RHBDL3: variants seen among roughly 807,000 people sequenced by gnomAD.
RHBDL3 encodes the protein rhomboid-related protein 3.
Under a neutral mutation model 48.2 loss-of-function variants are expected in RHBDL3, and 28 were observed. That is an observed-to-expected ratio of 0.58 (90% CI 0.43 to 0.80). The LOEUF (loss-of-function observed/expected upper bound fraction) is 0.80, where lower values mean the gene tolerates loss of function less well. RHBDL3 is among the 30% of genes least tolerant of loss of function. The pLI, the probability that RHBDL3 is intolerant of heterozygous loss-of-function variation, is 0.00. For missense variants in RHBDL3, 464 were observed against 542.7 expected, an observed-to-expected ratio of 0.85 and a Z score of 1.44; for synonymous variants, 208 against 232.3, an observed-to-expected ratio of 0.90 and a Z score of 0.95.
chr17:32,304,026 T>C (rs1223421067), intron 6 of RHBDL3, among the ~76,000 whole-genome samples: 1 of 152,204 alleles, frequency 6.6e-6, no homozygotes, highest in Non-Finnish European at 1.5e-5. Flanking sequence ...CTCCTAGTTA[T>C]TTTTAGTCTC....
At chr17:32,302,787 G>C (rs1182255419) in intron 6 of RHBDL3, among the ~76,000 whole-genome samples, 1 of 152,124 alleles carries the variant, frequency 6.6e-6, no homozygotes, top group Non-Finnish European at 1.5e-5. Context: ...CTTAGGCCAA[G>C]ACTCAGGTCA....
intron 3 of RHBDL3, among the ~76,000 whole-genome samples, chr17:32,287,485 C>T (rs947203790): frequency 6.6e-6 from 1 of 152,110 alleles, no homozygotes; most frequent in Non-Finnish European, 1.5e-5. Context: ...TCTGGGATGG[C>T]CTGCTGGAGG....
chr17:32,298,475 C>T (rs952450601), intron 6 of RHBDL3, among the ~76,000 whole-genome samples: 1 of 152,250 alleles, frequency 6.6e-6, no homozygotes, highest in African/African-American at 2.4e-5. Flanking sequence ...GGTCTCACAC[C>T]ACCATGTGGT....
chr17:32,277,362 CCTT>C (rs746042900), intron 2 of RHBDL3, among the ~76,000 whole-genome samples: 2 of 152,244 alleles, frequency 1.3e-5, no homozygotes, highest in Admixed American at 1.3e-4. Context: ...AGAGGTATGT[CCTT>C]CTCTCTCTCA....
chr17:32,284,085 CCCCAAACAAAACAAAAACCA>C (rs2040135475), intron 2 of RHBDL3: 1 of 152,006 alleles, frequency 6.6e-6, no homozygotes, highest in Admixed American at 6.6e-5. Flanking sequence ...CACAAACACC[CCCCAAACAAAACAAAAACCA>C]CAGAGCAGAG....
intron 2 of RHBDL3, among the ~76,000 whole-genome samples, chr17:32,278,017 G>T (rs1466802892): frequency 6.6e-6 from 1 of 152,202 alleles, no homozygotes; most frequent in Non-Finnish European, 1.5e-5. Flanking sequence ...TTAAAAATCA[G>T]CTGGGTGTGG....
intron 7 of RHBDL3, 97 bp from the exon 8 acceptor site, chr17:32,316,135 C>T (rs749653546): frequency 2.7e-5 from 23 of 863,868 alleles, no homozygotes; most frequent in Non-Finnish European, 3.5e-5. Context: ...CAGGACTTCA[C>T]GGAGATCCTT....
intron 7 of RHBDL3, 141 bp from the exon 8 acceptor site, chr17:32,316,091 G>A: frequency 4.4e-6 from 3 of 675,016 alleles, no homozygotes; most frequent in Admixed American, 4.5e-5. Flanking sequence ...AAGCCATGTG[G>A]TGTGTTCTGC....
intron 2 of RHBDL3, among the ~76,000 whole-genome samples, chr17:32,283,524 C>A (rs190101152): frequency 2.0e-5 from 3 of 151,620 alleles, no homozygotes; most frequent in East Asian, 1.9e-4. Flanking sequence ...GGGGTTTCAC[C>A]GTGTTAGCCA....
intron 1 of RHBDL3, among the ~76,000 whole-genome samples, chr17:32,267,434 G>C (rs544446403): frequency 2.3e-4 from 34 of 144,974 alleles, no homozygotes; most frequent in African/African-American, 5.4e-4. Flanking sequence ...TTCTCCTGGG[G>C]GGGGAGGGGG....
At chr17:32,294,263 C>T in intron 4 of RHBDL3, 31 bp from the exon 5 acceptor site, 1 of 1,606,050 alleles carries the variant, frequency 6.2e-7, no homozygotes, top group Non-Finnish European at 8.5e-7. Flanking sequence ...GCAGTGTGCA[C>T]CTAGTAACAG....
At chr17:32,287,393 C>T (rs2040222513) in intron 3 of RHBDL3, among the ~76,000 whole-genome samples, 1 of 152,200 alleles carries the variant, frequency 6.6e-6, no homozygotes, top group South Asian at 2.1e-4. Flanking sequence ...ATTTACAGAG[C>T]TCCTGGGCCA....
chr17:32,302,570 G>C (rs1221995908), intron 6 of RHBDL3, among the ~76,000 whole-genome samples: 1 of 151,242 alleles, frequency 6.6e-6, no homozygotes, highest in Non-Finnish European at 1.5e-5. Flanking sequence ...TAGTAGCAAT[G>C]GGGTTTCACC....
At chr17:32,285,556 G>T (rs904692656) in intron 3 of RHBDL3, among the ~76,000 whole-genome samples, 2 of 152,206 alleles carry the variant, frequency 1.3e-5, no homozygotes, top group Admixed American at 6.5e-5. Flanking sequence ...CTCACTGAGG[G>T]TTAGTGCTGC....
At chr17:32,293,755 T>C (rs2040386972) in intron 4 of RHBDL3, among the ~76,000 whole-genome samples, 1 of 152,086 alleles carries the variant, frequency 6.6e-6, no homozygotes, top group East Asian at 1.9e-4. Context: ...ACGGAGGAAG[T>C]GTGGACAAAG....
At chr17:32,277,679 G>A (rs1249338511) in intron 2 of RHBDL3, among the ~76,000 whole-genome samples, 1 of 152,208 alleles carries the variant, frequency 6.6e-6, no homozygotes, top group African/African-American at 2.4e-5. Context: ...CTCATGGGGC[G>A]GAAGTGAAAG....
In RHBDL3 at chr17:32,321,351, C is replaced by A. The variant is rs1479969926; in HGVS notation, c.*122C>A. 1 of 1,550,196 alleles carries A rather than the reference C, an allele frequency of 6.5e-7. No individual in the cohort carries two copies. Among genetic ancestry groups the A allele is most frequent in the African/African-American group, 1.4e-5 (1 of 73,512 alleles). ...CAGACAAGGACAGAAGACTCTGGGC[C>A]ACTGTAATGTTTGTGTTTAGATTTG... On this transcript the variant is annotated 3_prime_UTR_variant, in exon 9 of 9. Transcript: ENST00000269051.
Position 32,283,798 on chromosome 17 carries a change from G to A in RHBDL3, c.136-861G>A, listed in dbSNP as rs940146778. On this transcript the variant is annotated intron_variant, in intron 2 of 8. Transcript: ENST00000269051. ...GTGATACCGACCCGCGAGGCGCCGC[G>A]GTCCAAGGAGGAGGCAAAAGCAGAC... Among the ~76,000 whole-genome samples, 15 of 152,190 alleles carry A rather than the reference G, an allele frequency of 9.9e-5. No individual in the cohort carries two copies. In the South Asian group the frequency reaches 1.0e-3, roughly 10 times the overall value.
In RHBDL3 at chr17:32,300,903, C is replaced by T. The variant is rs200695118; in HGVS notation, c.781+2699C>T. On this transcript the variant is annotated intron_variant, in intron 6 of 8. Transcript: ENST00000269051. Reference sequence around the variant, plus strand: ...TCCTTTTTTTTTTTTGATTTTGAGACGGAGTCTCACTGTGTCACCCAGGCT... The same window carrying T: ...TCCTTTTTTTTTTTTGATTTTGAGATGGAGTCTCACTGTGTCACCCAGGCT... Among the ~76,000 whole-genome samples, 13 of 150,708 alleles carry T rather than the reference C, an allele frequency of 8.6e-5. No individual in the cohort carries two copies. The East Asian group carries it at 1.8e-3, about 20-fold the overall frequency.
Sources: gnomAD v4.1 joint callset for allele counts (sites outside exome capture counted in the v4.1 genomes callset) on GRCh38, gnomAD v4.1.1 for gene constraint, MANE v1.5 for transcripts, NCBI Gene and HGNC (gene_info 2026-07-23, HGNC 2026-07-21) for gene names.